The following CLPSL1 variants were observed in gnomAD, a reference collection of about 807,000 sequenced individuals.
The protein encoded by CLPSL1 is colipase like 1, also known as colipase-like protein 1.
Under a neutral mutation model 9.3 loss-of-function variants are expected in CLPSL1, and 13 were observed. That is an observed-to-expected ratio of 1.40 (90% CI 0.91 to 2.22). CLPSL1 has a LOEUF of 2.22. Among genes scored for constraint, CLPSL1 ranks in the 30% most tolerant of loss-of-function variants. The pLI is 0.00. For synonymous variants in CLPSL1, 58 were observed against 56.9 expected, an observed-to-expected ratio of 1.02 and a Z score of -0.08; for missense variants, 164 against 146.6, an observed-to-expected ratio of 1.12 and a Z score of -0.61.
intron 2 of CLPSL1, 120 bp from the exon 3 acceptor site, chr6:35,787,747 A>C: frequency 1.0e-6 from 1 of 972,982 alleles, no homozygotes; most frequent in Non-Finnish European, 1.6e-6. Flanking sequence ...GCAAGCTATC[A>C]TTTATCCCTG....
chr6:35,785,278 C>T (rs1469821531), intron 1 of CLPSL1, among the ~76,000 whole-genome samples: 1 of 150,306 alleles, frequency 6.7e-6, no homozygotes, highest in Admixed American at 6.7e-5. Context: ...CCCGGGTTCA[C>T]GCCATTCTCC....
chr6:35,784,494 A>G (rs1259896331), intron 1 of CLPSL1, among the ~76,000 whole-genome samples: 1 of 152,202 alleles, frequency 6.6e-6, no homozygotes, highest in Admixed American at 6.5e-5. Context: ...CCAAGGAAGG[A>G]GTCGACTGAG....
intron 1 of CLPSL1, 46 bp from the exon 2 acceptor site, chr6:35,786,952 G>A (rs1286830732): frequency 6.5e-7 from 1 of 1,547,680 alleles, no homozygotes; most frequent in South Asian, 1.2e-5. Context: ...CGGCGAGGGC[G>A]GAAGGCGGGC....
At chr6:35,793,190 G>A (rs372354970) in intron 1 of CLPSL1, among the ~76,000 whole-genome samples, 39 of 152,232 alleles carry the variant, frequency 2.6e-4, no homozygotes, top group African/African-American at 8.9e-4. Flanking sequence ...TTGGGAGGCC[G>A]AGGCAGGTGG....
intron 1 of CLPSL1, among the ~76,000 whole-genome samples, 187 bp downstream of exon 1, chr6:35,781,396 A>G (rs1767964678): frequency 6.6e-6 from 1 of 152,178 alleles, no homozygotes; most frequent in Admixed American, 6.5e-5. Flanking sequence ...GTGCCAGGGC[A>G]GTGCCAGGTG....
At chr6:35,787,679 T>C (rs945851613) in intron 2 of CLPSL1, among the ~76,000 whole-genome samples, 188 bp from the exon 3 acceptor site, 1 of 152,256 alleles carries the variant, frequency 6.6e-6, no homozygotes. Context: ...GGGAGGACAC[T>C]GAACAATCCA....
exon 2 of CLPSL1, chr6:35,793,556 G>A: frequency 6.4e-6 from 3 of 471,850 alleles, no homozygotes; most frequent in Non-Finnish European, 1.3e-5. Flanking sequence ...TGCTGCTAAG[G>A]CATGTGGCAA....
chr6:35,782,146 C>T (rs534534648), intron 1 of CLPSL1, among the ~76,000 whole-genome samples: 46 of 152,212 alleles, frequency 3.0e-4, no homozygotes, highest in Non-Finnish European at 1.8e-4. Context: ...CCTTCCTAAC[C>T]GGCAAAGCAG....
intron 1 of CLPSL1, among the ~76,000 whole-genome samples, chr6:35,785,416 A>G (rs1160730876): frequency 6.6e-6 from 1 of 151,900 alleles, no homozygotes; most frequent in Non-Finnish European, 1.5e-5. Flanking sequence ...TGACCTCGTG[A>G]TCTGCCCGCC....
At chr6:35,787,257 A>G in intron 2 of CLPSL1, 137 bp downstream of exon 2, 1 of 1,086,592 alleles carries the variant, frequency 9.2e-7, no homozygotes, top group Non-Finnish European at 1.3e-6. Context: ...GTGGGACTGC[A>G]CCTCCAAGCC....
intron 1 of CLPSL1, among the ~76,000 whole-genome samples, chr6:35,784,140 T>C (rs1479391267): frequency 6.6e-6 from 1 of 152,160 alleles, no homozygotes; most frequent in Non-Finnish European, 1.5e-5. Flanking sequence ...AAGATTTACA[T>C]TCGTTTGATC....
downstream of CLPSL1, among the ~76,000 whole-genome samples, chr6:35,789,570 T>G (rs569854332): frequency 4.1e-4 from 63 of 152,334 alleles, no homozygotes; most frequent in African/African-American, 1.4e-3. Flanking sequence ...CAGGCAACAA[T>G]AGCAAAAATA....
At chr6:35,793,417 C>T in intron 1 of CLPSL1, 1 of 443,302 alleles carries the variant, frequency 2.3e-6, no homozygotes, top group East Asian at 7.3e-5. Flanking sequence ...AAGAGCAAAA[C>T]TCTGTCTCAA....
chr6:35,790,633 T>C (rs903664394), downstream of CLPSL1, among the ~76,000 whole-genome samples: 6 of 152,270 alleles, frequency 3.9e-5, no homozygotes, highest in South Asian at 8.3e-4. Flanking sequence ...TTAGGAAAGA[T>C]GAATGGGCCC....
At chr6:35,793,425 CAA>C (rs10642987) in intron 1 of CLPSL1, 1,666 of 406,636 alleles carry the variant, frequency 4.1e-3, no homozygotes, top group South Asian at 5.1e-3. Context: ...AACTCTGTCT[CAA>C]AAAAAAAAAA....
chr6:35,785,946 C>CAAAAAAA, intron 1 of CLPSL1, among the ~76,000 whole-genome samples: 1 of 110,752 alleles, frequency 9.0e-6, no homozygotes, highest in East Asian at 2.6e-4. Context: ...GAGACTTTGT[C>CAAAAAAA]AAAAAAAAAA....
chr6:35,789,385 T>G (rs1472896280), downstream of CLPSL1, among the ~76,000 whole-genome samples: 2 of 152,252 alleles, frequency 1.3e-5, no homozygotes. Flanking sequence ...AAACTGAATA[T>G]TCACATGCCA....
At chr6:35,784,174 T>C (rs568833851) in intron 1 of CLPSL1, among the ~76,000 whole-genome samples, 2 of 152,138 alleles carry the variant, frequency 1.3e-5, no homozygotes, top group South Asian at 4.1e-4. Flanking sequence ...CAACTTGAAG[T>C]GGGGGGCATG....
downstream of CLPSL1, among the ~76,000 whole-genome samples, chr6:35,788,815 T>C (rs1361754842): frequency 6.6e-6 from 1 of 152,272 alleles, no homozygotes; most frequent in Non-Finnish European, 1.5e-5. Context: ...CAGTGTGTGG[T>C]GAGGCTTTTG....
Sources: gnomAD v4.1 joint callset for allele counts (sites outside exome capture counted in the v4.1 genomes callset) on GRCh38, gnomAD v4.1.1 for gene constraint, MANE v1.5 for transcripts, NCBI Gene and HGNC (gene_info 2026-07-23, HGNC 2026-07-21) for gene names.